Variants in WNT11 observed in about 807,000 individuals in gnomAD.
WNT11 encodes the protein Wnt family member 11, also known as protein Wnt-11.
A neutral mutation model predicts 35.6 loss-of-function variants in WNT11; 20 were observed. That is an observed-to-expected ratio of 0.56 (90% CI 0.40 to 0.82). WNT11 has a LOEUF of 0.82. Among genes scored for constraint, WNT11 ranks in the 40% least tolerant of loss-of-function variants. The probability of loss-of-function intolerance (pLI) is 0.00; values close to 1 mark genes in which losing one functional copy is unlikely to be tolerated. For missense variants in WNT11, 459 were observed against 504.4 expected, an observed-to-expected ratio of 0.91 and a Z score of 0.86; for synonymous variants, 200 against 211.9, an observed-to-expected ratio of 0.94 and a Z score of 0.49.
Position 76,191,865 on chromosome 11 carries a change from A to AG in WNT11, c.598-10dup. The AG allele has an allele frequency of 6.3e-7, 1 of 1,590,212 alleles. No individual in the cohort carries two copies. The highest frequency in any genetic ancestry group is 1.1e-5 in the South Asian group (1 of 90,616). On this transcript the variant is annotated splice_polypyrimidine_tract_variant and intron_variant, in intron 3 of 4. Coordinates refer to ENST00000322563, the MANE Select transcript of WNT11 (RefSeq NM_004626.3). ...AGAGAGGCGCGCAGAGCCTGCGGACAGGGGAAGGCGTCAGCTGGGTGGCCA... is the reference window on the plus strand; with the variant it reads ...AGAGAGGCGCGCAGAGCCTGCGGACAGGGGGAAGGCGTCAGCTGGGTGGCCA...
chr11:76,199,632 G>A (rs12271308), intron 1 of WNT11, among the ~76,000 whole-genome samples: 2,741 of 152,088 alleles, frequency 0.018, 88 homozygotes, highest in African/African-American at 0.061. Flanking sequence ...GTGAAACCCC[G>A]TCTCTACTAA....
chr11:76,200,884 G>A (rs1041985347), intron 1 of WNT11, among the ~76,000 whole-genome samples: 1 of 152,258 alleles, frequency 6.6e-6, no homozygotes, highest in Non-Finnish European at 1.5e-5. Flanking sequence ...GGGCGTTCAG[G>A]CAGTGAAGGC....
At chr11:76,210,110 C>G (rs967683085), upstream of WNT11, among the ~76,000 whole-genome samples, 27 of 151,560 alleles carry the variant, frequency 1.8e-4, no homozygotes, top group African/African-American at 6.3e-4. Flanking sequence ...GGGGGTGGCT[C>G]GGGCATGACC....
Position 76,186,834 on chromosome 11 carries a change from A to G in WNT11, c.*231T>C. 1 of 683,358 alleles carries G rather than the reference A, an allele frequency of 1.5e-6. No individual in the cohort carries two copies. The highest frequency in any genetic ancestry group is 2.6e-6 in the Non-Finnish European group (1 of 383,034). The allele number at this position is 683,358 out of a possible 1,614,324, so 42.3% of individuals were successfully genotyped here. On this transcript the variant is annotated 3_prime_UTR_variant, in exon 5 of 5. Transcript: ENST00000322563. ...GGGCACTCCAGAGCCTCAGGCTGCCAAGTTATTTTTAATCTTGTCGGTTTC... is the reference window on the plus strand; with the variant it reads ...GGGCACTCCAGAGCCTCAGGCTGCCGAGTTATTTTTAATCTTGTCGGTTTC...
At chr11:76,203,878 G>C (rs1029136088) in intron 1 of WNT11, among the ~76,000 whole-genome samples, 1 of 152,216 alleles carries the variant, frequency 6.6e-6, no homozygotes, top group Non-Finnish European at 1.5e-5. Flanking sequence ...CTGTGCTGGG[G>C]CTCCCTGTGC....
Position 76,187,048 on chromosome 11 carries a change from G to T in WNT11, c.*17C>A. 6.2e-7 allele frequency: 1 copy of T among 1,607,582 alleles called. No individual in the cohort carries two copies. Among genetic ancestry groups the T allele is most frequent in the Non-Finnish European group, 8.5e-7 (1 of 1,179,774 alleles). ...TGAGCAGAGTCCTCGCTCCTGCGTG[G>T]GGCGGAGGGCAGGGCCTCACTTGCA... On this transcript the variant is annotated 3_prime_UTR_variant, in exon 5 of 5. Coordinates refer to ENST00000322563, the MANE Select transcript of WNT11 (RefSeq NM_004626.3).
At chr11:76,200,857 G>C (rs1266406045) in intron 1 of WNT11, among the ~76,000 whole-genome samples, 1 of 152,276 alleles carries the variant, frequency 6.6e-6, no homozygotes, top group Non-Finnish European at 1.5e-5. Context: ...CCTAGCAGCA[G>C]GCTCATGGCA....
intron 2 of WNT11, among the ~76,000 whole-genome samples, chr11:76,195,256 T>C (rs1953262743): frequency 6.6e-6 from 1 of 152,214 alleles, no homozygotes; most frequent in Non-Finnish European, 1.5e-5. Flanking sequence ...CCCCTGTACC[T>C]GTGAGCATAA....
chr11:76,203,121 C>G (rs1489152475), intron 1 of WNT11, among the ~76,000 whole-genome samples: 1 of 152,262 alleles, frequency 6.6e-6, no homozygotes, highest in African/African-American at 2.4e-5. Flanking sequence ...CCGGAAAGGG[C>G]AGGGCTTGCC....
Position 76,196,433 on chromosome 11 carries a change from A to G in WNT11, c.319+50T>C, listed in dbSNP as rs80303263. 1.4e-3 allele frequency: 2,304 copies of G among 1,598,848 alleles called. 24 individuals are homozygous for G. In the African/African-American group the frequency reaches 0.028, roughly 19 times the overall value. ...CTAAACACACACAGATTGATGCCTGAATTCCTTCACCCGCACCCACATGCA... is the reference window on the plus strand; with the variant it reads ...CTAAACACACACAGATTGATGCCTGGATTCCTTCACCCGCACCCACATGCA... On this transcript the variant is annotated intron_variant, in intron 2 of 4. Transcript: ENST00000322563.
chr11:76,202,059 T>C (rs1953388427), intron 1 of WNT11, among the ~76,000 whole-genome samples: 1 of 152,132 alleles, frequency 6.6e-6, no homozygotes, highest in Non-Finnish European at 1.5e-5. Flanking sequence ...AAGTTCCCTC[T>C]CTGCAGTTCT....
rs1953094043 is a variant in WNT11, at chr11:76,186,483, C to A, written c.*582G>T. 1 of 148,648 alleles carries A rather than the reference C, an allele frequency of 6.7e-6. No individual in the cohort carries two copies. 9.2% of individuals were successfully genotyped at this position (148,648 alleles called of 1,614,324 possible). On this transcript the variant is annotated 3_prime_UTR_variant, in exon 5 of 5. Transcript: ENST00000322563. ...TAAAATAGAGATCATTATATATATACATATATATTTATATATATAAAATAT... is the reference window on the plus strand; with the variant it reads ...TAAAATAGAGATCATTATATATATAAATATATATTTATATATATAAAATAT...
Position 76,194,478 on chromosome 11 carries a change from A to G in WNT11, c.597+89T>C. The G allele has an allele frequency of 2.9e-6, 4 of 1,392,006 alleles. No homozygotes were observed. Among genetic ancestry groups the G allele is most frequent in the Non-Finnish European group, 2.8e-6 (3 of 1,069,462 alleles). 86.2% of individuals were successfully genotyped at this position (1,392,006 alleles called of 1,614,324 possible). On this transcript the variant is annotated intron_variant, in intron 3 of 4. Transcript: ENST00000322563. This position sits in a 1 kb window ranked among gnomAD's most constrained non-coding sequence, Gnocchi z 5.4. ...GGCCAGTCAGGGCCCGTCCCCCCGC[A>G]CCCCCCACCACTGGGGCAAGCTGGG...
intron 1 of WNT11, among the ~76,000 whole-genome samples, chr11:76,202,718 G>A (rs549627518): frequency 4.6e-5 from 7 of 152,286 alleles, no homozygotes; most frequent in Admixed American, 3.3e-4. Flanking sequence ...GCAGCTGCCC[G>A]TTCAGGAAGA....
upstream of WNT11, chr11:76,206,505 C>T: frequency 1.6e-6 from 2 of 1,245,220 alleles, no homozygotes; most frequent in Non-Finnish European, 2.0e-6. Context: ...CCGCCTGCAG[C>T]CGGGGAGAGC....
rs562520744 is a variant in WNT11 at position 76,201,338 on chromosome 11, C to T, written c.84-4620G>A. Among the ~76,000 whole-genome samples, 243 of 152,304 alleles carry T rather than the reference C, an allele frequency of 1.6e-3. 1 individual carries two copies. Among genetic ancestry groups the T allele is most frequent in the African/African-American group, 5.2e-3 (218 of 41,580 alleles). On this transcript the variant is annotated intron_variant, in intron 1 of 4. Transcript: ENST00000322563. ...AGGGGCTGCAGGCAGAGATCACAGG[C>T]GGGAGGCAGCAGATTCCACTCCCGA...
Position 76,199,515 on chromosome 11 carries a change from G to A in WNT11, c.84-2797C>T, listed in dbSNP as rs977276209. ...TATGGTGAGACTTAAATAACAGAAC[G>A]TAGGCAAAGTGTTTAAAACATTCAT... On this transcript the variant is annotated intron_variant, in intron 1 of 4. Transcript: ENST00000322563. Among the ~76,000 whole-genome samples the A allele has an allele frequency of 4.6e-5, 7 of 151,690 alleles. No individual in the cohort carries two copies. In the East Asian group the frequency reaches 7.7e-4, roughly 17 times the overall value.
At chr11:76,187,304 C>CTT in intron 4 of WNT11, 65 bp from the exon 5 acceptor site, 1 of 1,483,694 alleles carries the variant, frequency 6.7e-7, no homozygotes, top group Non-Finnish European at 9.0e-7. Flanking sequence ...CACCCCATGA[C>CTT]TCCCAGCCAG....
chr11:76,205,159 G>C (rs1158004806), intron 1 of WNT11, among the ~76,000 whole-genome samples: 1 of 152,182 alleles, frequency 6.6e-6, no homozygotes, highest in Admixed American at 6.5e-5. Context: ...TCCTCGAATC[G>C]TCAATTAATC....
Sources: gnomAD v4.1 joint callset for allele counts (sites outside exome capture counted in the v4.1 genomes callset) on GRCh38, gnomAD v4.1.1 for gene constraint, Gnocchi (gnomAD v3.1) non-coding constraint, MANE v1.5 for transcripts, NCBI Gene and HGNC (gene_info 2026-07-23, HGNC 2026-07-21) for gene names.